ADAMTS17: variants seen among roughly 807,000 people sequenced by gnomAD.
ADAMTS17 encodes the protein A disintegrin and metalloproteinase with thrombospondin motifs 17.
ADAMTS17 carries 113 observed loss-of-function variants against 141.5 expected under a neutral mutation model. The observed-to-expected ratio is 0.80, with a 90% CI of 0.69 to 0.93. The LOEUF (loss-of-function observed/expected upper bound fraction) is 0.93. Ranked by LOEUF, ADAMTS17 falls within the 40% of genes least tolerant of loss-of-function variation. The pLI, the probability that ADAMTS17 is intolerant of heterozygous loss-of-function variation, is 0.00. For missense variants in ADAMTS17, 1,659 were observed against 1,517.9 expected, an observed-to-expected ratio of 1.09 and a Z score of -1.54; for synonymous variants, 768 against 630.6, an observed-to-expected ratio of 1.22 and a Z score of -3.27.
chr15:100,059,964 C>T (rs896803695), intron 15 of ADAMTS17, among the ~76,000 whole-genome samples: 1 of 152,206 alleles, frequency 6.6e-6, no homozygotes, highest in Admixed American at 6.5e-5. Flanking sequence ...CTCCAAGCCC[C>T]CTTTGTCTCT....
At chr15:100,159,284 CT>C (rs2039582270) in intron 8 of ADAMTS17, among the ~76,000 whole-genome samples, 1 of 152,158 alleles carries the variant, frequency 6.6e-6, no homozygotes, top group Admixed American at 6.5e-5. Context: ...ATTATTCAGT[CT>C]TAAAAAAAGA....
rs1567284428 is a variant in ADAMTS17 at position 100,162,443 on chromosome 15, TATAGTTATATATATGCAC to T, written c.1182-7141_1182-7124del. ...ATAACTATATAGTTATATATACACA[TATAGTTATATATATGCAC>T]ATATACACATTATATGTGTATATAT... On this transcript the variant is annotated intron_variant, in intron 8 of 21. Coordinates refer to ENST00000268070, the MANE Select transcript of ADAMTS17 (RefSeq NM_139057.4). Among the ~76,000 whole-genome samples the T allele has an allele frequency of 1.4e-3, 186 of 132,022 alleles. 4 individuals carry two copies. Among genetic ancestry groups the T allele is most frequent in the African/African-American group, 4.5e-3 (152 of 34,018 alleles). The allele number at this position is 132,022 out of a possible 152,430, so 86.6% of individuals were successfully genotyped here. A position where few individuals can be genotyped will look rare whatever the true frequency, so the allele number is the denominator to read the frequency against.
chr15:100,108,465 C>A (rs553780691), intron 14 of ADAMTS17, among the ~76,000 whole-genome samples: 1 of 152,206 alleles, frequency 6.6e-6, no homozygotes, highest in Non-Finnish European at 1.5e-5. Context: ...TGAGCCACCG[C>A]ACCCGGCCTC....
intron 12 of ADAMTS17, among the ~76,000 whole-genome samples, chr15:100,120,839 T>C (rs1188098800): frequency 6.6e-6 from 1 of 152,208 alleles, no homozygotes; most frequent in Non-Finnish European, 1.5e-5. Context: ...AAACAGAAAG[T>C]ATGGTTCATT....
At chr15:100,274,528 A>G (rs1053115989) in intron 4 of ADAMTS17, among the ~76,000 whole-genome samples, 3 of 152,120 alleles carry the variant, frequency 2.0e-5, no homozygotes, top group East Asian at 1.9e-4. Context: ...TTCTTTTTCT[A>G]TCCTTTCACT....
chr15:100,117,454 A>G (rs903177274), intron 12 of ADAMTS17, among the ~76,000 whole-genome samples: 1 of 152,108 alleles, frequency 6.6e-6, no homozygotes, highest in Non-Finnish European at 1.5e-5. Context: ...GGATGAGTAA[A>G]TACATAGCTC....
chr15:100,094,819 T>A (rs892991914), intron 15 of ADAMTS17, among the ~76,000 whole-genome samples: 2 of 152,228 alleles, frequency 1.3e-5, no homozygotes, highest in Non-Finnish European at 2.9e-5. Context: ...CAAGGTCAAA[T>A]TCTCATGGGA....
chr15:100,228,464 G>A (rs1221821226), intron 7 of ADAMTS17, among the ~76,000 whole-genome samples: 1 of 152,180 alleles, frequency 6.6e-6, no homozygotes, highest in African/African-American at 2.4e-5. Flanking sequence ...CATGAACACT[G>A]CTGAATTCAT....
At chr15:100,240,143 G>A (rs139684616) in intron 7 of ADAMTS17, among the ~76,000 whole-genome samples, 1 of 152,296 alleles carries the variant, frequency 6.6e-6, no homozygotes, top group African/African-American at 2.4e-5. Flanking sequence ...AGGGGCCCTG[G>A]GCCCCACCTC....
intron 8 of ADAMTS17, among the ~76,000 whole-genome samples, chr15:100,191,644 C>T (rs1346639448): frequency 4.6e-5 from 7 of 152,242 alleles, no homozygotes; most frequent in Admixed American, 6.5e-5. Context: ...AGAATTGCTG[C>T]AGACAGCAGT....
At chr15:100,220,774 C>A (rs191443285) in intron 7 of ADAMTS17, among the ~76,000 whole-genome samples, 1 of 152,308 alleles carries the variant, frequency 6.6e-6, no homozygotes, top group African/African-American at 2.4e-5. Context: ...CGATATGCGG[C>A]CTTTTGTGAC....
At chr15:100,137,825 TCCACCCTTTCACTGCCAACACCAACAC>T (rs1567236486) in intron 10 of ADAMTS17, among the ~76,000 whole-genome samples, 2 of 151,114 alleles carry the variant, frequency 1.3e-5, no homozygotes, top group African/African-American at 4.9e-5. Flanking sequence ...ACTACCAACA[TCCACCCTTTCACTGCCAACACCAACAC>T]CCACCCTTTC....
intron 8 of ADAMTS17, among the ~76,000 whole-genome samples, chr15:100,198,775 T>C (rs917632434): frequency 3.3e-5 from 5 of 151,930 alleles, no homozygotes; most frequent in African/African-American, 1.2e-4. Flanking sequence ...AACCAGGAGG[T>C]TGCCTCGGAC....
At chr15:100,322,279 G>A (rs900488841) in intron 3 of ADAMTS17, among the ~76,000 whole-genome samples, 1 of 152,086 alleles carries the variant, frequency 6.6e-6, no homozygotes, top group Non-Finnish European at 1.5e-5. Context: ...AAAGTATGGG[G>A]GAGGCATGCT....
rs73472472 is a variant in ADAMTS17 at position 100,042,027 on chromosome 15, T to C, written c.2591+6830A>G. Among the ~76,000 whole-genome samples the C allele has an allele frequency of 5.7e-3, 872 of 152,328 alleles. 8 individuals carry two copies. The highest frequency in any genetic ancestry group is 0.02 in the African/African-American group (813 of 41,572). The stretch of plus-strand genomic sequence containing the variant: ...AATAAAGTTCACACCATGGGATTCT[T>C]GGGCGCTTCTTCCAGGTTCCAGGCT... On this transcript the variant is annotated intron_variant, in intron 18 of 21. Coordinates refer to ENST00000268070, the MANE Select transcript of ADAMTS17 (RefSeq NM_139057.4).
chr15:100,140,741 A>G (rs1162977492), intron 10 of ADAMTS17, among the ~76,000 whole-genome samples: 1 of 151,730 alleles, frequency 6.6e-6, no homozygotes, highest in Non-Finnish European at 1.5e-5. Flanking sequence ...CACTGGTTAC[A>G]CTACCTCTCC....
intron 15 of ADAMTS17, among the ~76,000 whole-genome samples, chr15:100,066,608 T>TGG (rs930420266): frequency 4.7e-4 from 72 of 152,332 alleles, no homozygotes; most frequent in African/African-American, 1.7e-3. Context: ...CTTTGAGAAA[T>TGG]GGTGTTCTTG....
chr15:99,971,442 T>C lies in ADAMTS17; in HGVS notation c.*2960A>G, dbSNP rs529861814. On this transcript the variant is annotated 3_prime_UTR_variant, in exon 22 of 22. Coordinates refer to ENST00000268070, the MANE Select transcript of ADAMTS17 (RefSeq NM_139057.4). ...CTTCACAGACAGCTTTAAACTGTTA[T>C]GGAAAAACATTTTATTACACATATT... 1.3e-5 allele frequency: 2 copies of C among 152,352 alleles called. No individual in the cohort carries two copies. The highest frequency in any genetic ancestry group is 2.1e-4 in the South Asian group (1 of 4,830). 9.4% of individuals were successfully genotyped at this position (152,352 alleles called of 1,614,324 possible). A position where few individuals can be genotyped will look rare whatever the true frequency, so the allele number is the denominator to read the frequency against.
chr15:100,179,743 G>A (rs992183270), intron 8 of ADAMTS17, among the ~76,000 whole-genome samples: 1 of 152,184 alleles, frequency 6.6e-6, no homozygotes, highest in African/African-American at 2.4e-5. Context: ...CTTTATAACT[G>A]GGGTGAGATG....
Sources: gnomAD v4.1 joint callset for allele counts (sites outside exome capture counted in the v4.1 genomes callset) on GRCh38, gnomAD v4.1.1 for gene constraint, MANE v1.5 for transcripts, NCBI Gene and HGNC (gene_info 2026-07-23, HGNC 2026-07-21) for gene names.